Variants in ARAP1 observed in about 807,000 individuals in gnomAD.
ARAP1 encodes the protein ArfGAP with RhoGAP domain, ankyrin repeat and PH domain 1.
A neutral mutation model predicts 172.2 loss-of-function variants in ARAP1; 76 were observed. The ratio of observed to expected loss-of-function variants is 0.44; its 90% CI spans 0.37 to 0.53. The LOEUF is 0.53. Ranked by LOEUF, ARAP1 falls within the 20% of genes least tolerant of loss-of-function variation. The probability of loss-of-function intolerance (pLI) is 0.00; values close to 1 mark genes in which losing one functional copy is unlikely to be tolerated. For synonymous variants in ARAP1, 804 were observed against 803.3 expected, an observed-to-expected ratio of 1.00 and a Z score of -0.01; for missense variants, 1,686 against 1,977.5, an observed-to-expected ratio of 0.85 and a Z score of 2.80.
At position 72,693,143 on chromosome 11, in the gene ARAP1, C is replaced by T; in HGVS notation, c.3954+182G>A. The T allele has an allele frequency of 1.0e-6, 1 of 955,218 alleles. No homozygotes were observed. Among genetic ancestry groups the T allele is most frequent in the East Asian group, 2.6e-5 (1 of 37,890 alleles). The allele number at this position is 955,218 out of a possible 1,614,324, so 59.2% of individuals were successfully genotyped here. ...GGGCTTAGTGGGGCTACAGGGCACA[C>T]TAGAGTGGCCGTCCAGGGCCACAGC... On this transcript the variant is annotated intron_variant, in intron 29 of 34. Coordinates refer to ENST00000393609, the MANE Select transcript of ARAP1 (RefSeq NM_001040118.3). This position sits in a 1 kb window ranked among gnomAD's most constrained non-coding sequence, Gnocchi z 4.6.
chr11:72,704,018 C>A (rs1565216656), intron 14 of ARAP1, 134 bp downstream of exon 14: 2 of 1,252,360 alleles, frequency 1.6e-6, no homozygotes, highest in African/African-American at 3.0e-5. Flanking sequence ...CTTCTGCCCT[C>A]CAAACATCAG....
At position 72,693,821 on chromosome 11, in the gene ARAP1, A is replaced by G. The variant is rs1591175335; in HGVS notation, c.3695-16T>C. The G allele has an allele frequency of 3.2e-6, 5 of 1,572,340 alleles. No homozygotes were observed. The highest frequency in any genetic ancestry group is 1.4e-5 in the African/African-American group (1 of 73,904). ...AGGGGGCGCTCTGGGGAGAGGTCAC[A>G]CCTACCGTCACTGGGACCACATGGC... is the stretch of plus-strand genomic sequence containing the variant. On this transcript the variant is annotated splice_polypyrimidine_tract_variant and intron_variant, in intron 27 of 34. Transcript: ENST00000393609. The surrounding 1 kb of genome is among the most constrained non-coding windows in gnomAD (Gnocchi z 4.6).
At chr11:72,716,172 C>CAA (rs201462857) in intron 3 of ARAP1, among the ~76,000 whole-genome samples, 2,032 of 71,844 alleles carry the variant, frequency 0.028, 98 homozygotes, top group African/African-American at 0.084. Context: ...GACTCCGTCT[C>CAA]AAAAAAAAAA....
In ARAP1 at chr11:72,712,287, C is replaced by T; in HGVS notation, c.931G>A (p.Ala311Thr). The T allele has an allele frequency of 6.3e-7, 1 of 1,593,188 alleles. No individual in the cohort carries two copies. The highest frequency in any genetic ancestry group is 8.6e-7 in the Non-Finnish European group (1 of 1,168,542). Reference sequence around the variant, plus strand: ...GGCGGCCCGTCCATGGGGTGTGGCGCAGCTATTGTGCTGGGCAAGGACAAG... The same window carrying T: ...GGCGGCCCGTCCATGGGGTGTGGCGTAGCTATTGTGCTGGGCAAGGACAAG... ...LSLSLPSTIA[A>T]PHPMDGPPGG... Residue 311 changes from alanine to threonine, a missense_variant, in exon 7 of 35, where the codon GCG (alanine) becomes ACG (threonine). Ala to Thr is a moderately conservative substitution (Grantham distance 58, BLOSUM62 0). Around this residue, in one of 5 missense-constraint regions of ARAP1, gnomAD observed 688 missense variants for 856.9 expected, o/e 0.80. Transcript: ENST00000393609.
chr11:72,727,143 G>A lies in ARAP1; in HGVS notation c.-15C>T, dbSNP rs1481321497. The A allele has an allele frequency of 1.3e-6, 2 of 1,567,186 alleles. No individual in the cohort carries two copies. Among genetic ancestry groups the A allele is most frequent in the Non-Finnish European group, 8.7e-7 (1 of 1,154,176 alleles). ...GCCTCTGCCATGGTTCCTGCCAGCG[G>A]AGGCCTGACTGGCAGGGCTTTGTCC... On this transcript the variant is annotated 5_prime_UTR_variant, in exon 3 of 35. Coordinates refer to ENST00000393609, the MANE Select transcript of ARAP1 (RefSeq NM_001040118.3).
chr11:72,695,337 T>TACA lies in ARAP1; in HGVS notation c.3576+49_3576+50insTGT. Reference sequence around the variant, plus strand: ...TCCCCTGGCCATCTGAGCCTGTACCTGGCCCAGCCTGATTCTCTAGCCCCT... The same window carrying TACA: ...TCCCCTGGCCATCTGAGCCTGTACCTACAGGCCCAGCCTGATTCTCTAGCCCCT... On this transcript the variant is annotated intron_variant, in intron 26 of 34. Coordinates refer to ENST00000393609, the MANE Select transcript of ARAP1 (RefSeq NM_001040118.3). The surrounding 1 kb of genome is among the most constrained non-coding windows in gnomAD (Gnocchi z 4.4). 6.2e-7 allele frequency: 1 copy of TACA among 1,611,122 alleles called. No homozygotes were observed. Among genetic ancestry groups the TACA allele is most frequent in the Non-Finnish European group, 8.5e-7 (1 of 1,177,616 alleles).
At chr11:72,733,684 T>C (rs2135580384) in intron 1 of ARAP1, among the ~76,000 whole-genome samples, 1 of 152,338 alleles carries the variant, frequency 6.6e-6, no homozygotes, top group South Asian at 2.1e-4. Context: ...ACTGCTGTGC[T>C]CTGCATAATG....
intron 1 of ARAP1, among the ~76,000 whole-genome samples, chr11:72,743,317 G>A (rs899721426): frequency 6.6e-6 from 1 of 152,232 alleles, no homozygotes; most frequent in African/African-American, 2.4e-5. Context: ...TCAATATGTG[G>A]CACCTTCCAG....
In ARAP1 at chr11:72,695,307, A is replaced by G; in HGVS notation, c.3576+80T>C. ...CTGGTCCTCTCCTCGGGGTAGAAGCACTGCTCCCCTGGCCATCTGAGCCTG... is the reference window on the plus strand; with the variant it reads ...CTGGTCCTCTCCTCGGGGTAGAAGCGCTGCTCCCCTGGCCATCTGAGCCTG... On this transcript the variant is annotated intron_variant, in intron 26 of 34. Transcript: ENST00000393609. The surrounding 1 kb of genome is among the most constrained non-coding windows in gnomAD (Gnocchi z 4.4). 6.3e-7 allele frequency: 1 copy of G among 1,580,452 alleles called. No homozygotes were observed. Among genetic ancestry groups the G allele is most frequent in the Non-Finnish European group, 8.7e-7 (1 of 1,151,742 alleles).
chr11:72,712,716 C>T (rs1760692196), intron 5 of ARAP1, 148 bp from the exon 6 acceptor site: 1 of 1,302,134 alleles, frequency 7.7e-7, no homozygotes, highest in Non-Finnish European at 1.1e-6. Context: ...CCTCCCCCTG[C>T]CAGCGGAGAC....
rs1488719985 is a variant in ARAP1, at chr11:72,741,076, C to T, written c.-127-8479G>A. Among the ~76,000 whole-genome samples the T allele has an allele frequency of 1.3e-5, 2 of 152,036 alleles. No individual in the cohort carries two copies. The highest frequency in any genetic ancestry group is 2.1e-4 in the South Asian group (1 of 4,828). Reference sequence around the variant, plus strand: ...CACATACTATGCCCCTCTGGCCCCACCACATACCCCCGACCCCTAATGGGT... The same window carrying T: ...CACATACTATGCCCCTCTGGCCCCATCACATACCCCCGACCCCTAATGGGT... On this transcript the variant is annotated intron_variant, in intron 1 of 34. Coordinates refer to ENST00000393609, the MANE Select transcript of ARAP1 (RefSeq NM_001040118.3). The surrounding 1 kb of genome is among the most constrained non-coding windows in gnomAD (Gnocchi z 4.5).
intron 2 of ARAP1, among the ~76,000 whole-genome samples, chr11:72,732,154 T>C (rs1465389638): frequency 6.6e-6 from 1 of 151,752 alleles, no homozygotes; most frequent in East Asian, 1.9e-4. Context: ...AAAAAGTAAA[T>C]AAAAATTAAA....
In ARAP1 at chr11:72,747,796, C is replaced by T. The variant is rs531597168; in HGVS notation, c.-128+4532G>A. On this transcript the variant is annotated intron_variant, in intron 1 of 34. Coordinates refer to ENST00000393609, the MANE Select transcript of ARAP1 (RefSeq NM_001040118.3). ...AGGGCCACGGGGGCTCAGGATTTGACGGCAATTAGTCCCGTCTGCAAGCAG... is the reference window on the plus strand; with the variant it reads ...AGGGCCACGGGGGCTCAGGATTTGATGGCAATTAGTCCCGTCTGCAAGCAG... Among the ~76,000 whole-genome samples, 176 of 152,332 alleles carry T rather than the reference C, an allele frequency of 1.2e-3. 1 individual carries two copies. Among genetic ancestry groups the T allele is most frequent in the African/African-American group, 3.7e-3 (152 of 41,578 alleles).
At chr11:72,720,113 C>T (rs534689767) in intron 3 of ARAP1, among the ~76,000 whole-genome samples, 5 of 152,314 alleles carry the variant, frequency 3.3e-5, no homozygotes, top group Non-Finnish European at 7.3e-5. Context: ...AGATGTCACA[C>T]AGGTCTTGGA....
At position 72,707,253 on chromosome 11, in the gene ARAP1, A is replaced by C; in HGVS notation, c.1645T>G (p.Phe549Val). 1 of 1,612,602 alleles carries C rather than the reference A, an allele frequency of 6.2e-7. No individual in the cohort carries two copies. The highest frequency in any genetic ancestry group is 1.1e-5 in the South Asian group (1 of 90,728). The change falls in exon 12 of 35, where the codon TTC becomes GTC. Residue 549 changes from phenylalanine to valine, a missense_variant. By Grantham distance (50) the Phe-to-Val change is conservative (BLOSUM62 -1). Transcript: ENST00000393609. ...TGAGGAGCCCCGCAGTCAGCACAGA[A>C]CCTGTTGGGGGCTGCAGCCCAGATG... Reference protein sequence around the residue: ...ERIWAAAPNRFCADCGAPQPD... With the variant: ...ERIWAAAPNRVCADCGAPQPD...
chr11:72,745,704 C>T (rs1591253127), intron 1 of ARAP1, among the ~76,000 whole-genome samples: 2 of 152,264 alleles, frequency 1.3e-5, no homozygotes, highest in Non-Finnish European at 2.9e-5. Flanking sequence ...TTCCAGGAGA[C>T]ACTCCTGTGT....
At chr11:72,744,874 C>A in intron 1 of ARAP1, among the ~76,000 whole-genome samples, 1 of 152,204 alleles carries the variant, frequency 6.6e-6, no homozygotes, top group East Asian at 1.9e-4. Context: ...CCACTAGACA[C>A]CCCCTGGATC....
intron 19 of ARAP1, 130 bp downstream of exon 19, chr11:72,697,781 G>A: frequency 6.7e-7 from 1 of 1,503,426 alleles, no homozygotes; most frequent in South Asian, 1.3e-5. Flanking sequence ...TGCACCCCAA[G>A]GACATGAGAG....
intron 15 of ARAP1, among the ~76,000 whole-genome samples, chr11:72,702,334 T>C (rs990719334): frequency 2.7e-5 from 4 of 148,374 alleles, no homozygotes; most frequent in African/African-American, 9.8e-5. Flanking sequence ...GCCCCAGCCA[T>C]TGAGCTCCAC....
Sources: allele counts gnomAD v4.1 joint callset (sites outside exome capture counted in the v4.1 genomes callset), GRCh38; gene constraint gnomAD v4.1.1; regional missense constraint gnomAD v4.1.1; non-coding constraint Gnocchi (gnomAD v3.1); transcripts MANE v1.5; gene names NCBI Gene and HGNC (gene_info 2026-07-23, HGNC 2026-07-21).